Variants in EPHA4 observed in about 807,000 individuals in gnomAD.
EPHA4 encodes the protein EPH receptor A4, also known as ephrin type-A receptor 4.
EPHA4 carries 19 observed loss-of-function variants against 108.3 expected under a neutral mutation model. That is an observed-to-expected ratio of 0.18 (90% confidence interval 0.12 to 0.26). The LOEUF is 0.26. Among genes scored for constraint, EPHA4 ranks in the 10% least tolerant of loss-of-function variants. EPHA4 has a pLI of 1.00. For synonymous variants in EPHA4, 449 were observed against 455.5 expected, an observed-to-expected ratio of 0.99 and a Z score of 0.18; for missense variants, 917 against 1,254.0, an observed-to-expected ratio of 0.73 and a Z score of 4.06.
At chr2:221,533,292 A>T (rs73994280) in intron 3 of EPHA4, among the ~76,000 whole-genome samples, 3,461 of 152,216 alleles carry the variant, frequency 0.023, 110 homozygotes, top group African/African-American at 0.071. Context: ...GCCTACCATA[A>T]ATACAATCTG....
intron 1 of EPHA4, among the ~76,000 whole-genome samples, chr2:221,570,432 G>C (rs1409472877): frequency 6.6e-6 from 1 of 152,138 alleles, no homozygotes; most frequent in Non-Finnish European, 1.5e-5. Context: ...CCAGGAGAAC[G>C]CGGGATCCAC....
intron 2 of EPHA4, among the ~76,000 whole-genome samples, chr2:221,566,785 AAGG>A (rs1289504173): frequency 2.7e-5 from 4 of 149,270 alleles, no homozygotes; most frequent in Non-Finnish European, 4.4e-5. Context: ...GAAGAAGAAG[AAGG>A]AGAAGAAGAA....
rs1488180033 is a variant in EPHA4, at chr2:221,559,089, A to G, written c.823+4642T>C. Among the ~76,000 whole-genome samples, 8 of 152,154 alleles carry G rather than the reference A, an allele frequency of 5.3e-5. No individual in the cohort carries two copies. The South Asian group carries it at 8.3e-4, about 16-fold the overall frequency. ...CTCTTTTCAGAGCACAAGTCTGTTT[A>G]TTTTAAAACCATTGGAACATTTCTA... On this transcript the variant is annotated intron_variant, in intron 3 of 17. Coordinates refer to ENST00000281821, the MANE Select transcript of EPHA4 (RefSeq NM_004438.5).
At chr2:221,482,205 C>G (rs1691840668) in intron 5 of EPHA4, 147 bp downstream of exon 5, 1 of 855,960 alleles carries the variant, frequency 1.2e-6, no homozygotes, top group African/African-American at 1.7e-5. Context: ...GCCACCGTGC[C>G]CAGCCCCTAA....
chr2:221,529,576 A>G (rs1693445642), intron 3 of EPHA4, among the ~76,000 whole-genome samples: 1 of 152,240 alleles, frequency 6.6e-6, no homozygotes, highest in Admixed American at 6.5e-5. Flanking sequence ...TAATGCTTTG[A>G]GATCCTCCAG....
chr2:221,570,045 C>G (rs1381980932), intron 1 of EPHA4, among the ~76,000 whole-genome samples: 2 of 151,714 alleles, frequency 1.3e-5, no homozygotes, highest in Non-Finnish European at 2.9e-5. Context: ...CTCTCTGTCC[C>G]TAGAGAAAAG....
At chr2:221,505,546 G>A (rs1243236045) in intron 3 of EPHA4, among the ~76,000 whole-genome samples, 1 of 151,998 alleles carries the variant, frequency 6.6e-6, no homozygotes, top group Non-Finnish European at 1.5e-5. Context: ...GGCTGGTTTT[G>A]AACTCCTGAC....
At chr2:221,482,241 C>T (rs1235002940) in intron 5 of EPHA4, 111 bp downstream of exon 5, 1 of 1,144,382 alleles carries the variant, frequency 8.7e-7, no homozygotes, top group Non-Finnish European at 1.2e-6. Context: ...TAACGCAGCT[C>T]CCAGGCTTGA....
At chr2:221,446,653 A>G (rs977995127) in intron 8 of EPHA4, among the ~76,000 whole-genome samples, 14 of 152,188 alleles carry the variant, frequency 9.2e-5, no homozygotes, top group Non-Finnish European at 4.4e-5. Flanking sequence ...AATAGTAAAT[A>G]TTATTGCTAT....
chr2:221,480,917 A>G (rs1367747747), intron 5 of EPHA4, among the ~76,000 whole-genome samples: 1 of 152,206 alleles, frequency 6.6e-6, no homozygotes, highest in Non-Finnish European at 1.5e-5. Flanking sequence ...TTACTAAACT[A>G]TTGAGTGCAC....
chr2:221,421,314 A>T (rs867604946), intron 17 of EPHA4, among the ~76,000 whole-genome samples: 1 of 152,150 alleles, frequency 6.6e-6, no homozygotes, highest in South Asian at 2.1e-4. Context: ...AAAAAAGAAA[A>T]GAAAAAAAAG....
upstream of EPHA4, chr2:221,572,317 C>T (rs1451072448): frequency 6.3e-6 from 9 of 1,424,752 alleles, no homozygotes; most frequent in East Asian, 2.1e-4. Flanking sequence ...GTTAGGAGAG[C>T]AGCGGGCTGA....
At chr2:221,504,015 T>C (rs1692556152) in intron 3 of EPHA4, among the ~76,000 whole-genome samples, 1 of 152,194 alleles carries the variant, frequency 6.6e-6, no homozygotes, top group Non-Finnish European at 1.5e-5. Flanking sequence ...ACTTTCACTA[T>C]CTCTTTTATT....
At chr2:221,508,063 T>A (rs1002544845) in intron 3 of EPHA4, among the ~76,000 whole-genome samples, 1 of 152,140 alleles carries the variant, frequency 6.6e-6, no homozygotes, top group African/African-American at 2.4e-5. Context: ...CTGGACCCGA[T>A]GACAACATTG....
At chr2:221,482,816 GC>G (rs1225937599) in intron 4 of EPHA4, 126 bp from the exon 5 acceptor site, 2 of 760,818 alleles carry the variant, frequency 2.6e-6, no homozygotes, top group African/African-American at 3.5e-5. Context: ...AAAGCAAAAA[GC>G]AAATCAAGCC....
intron 10 of EPHA4, 100 bp from the exon 11 acceptor site, chr2:221,443,114 T>G (rs56081273): frequency 0.25 from 306,463 of 1,244,854 alleles, 38,380 homozygotes; most frequent in African/African-American, 0.32. Flanking sequence ...GCCAGGCTGT[T>G]TGCTAGTGCT....
At chr2:221,436,331 A>G in intron 13 of EPHA4, 68 bp downstream of exon 13, 2 of 1,487,096 alleles carry the variant, frequency 1.3e-6, no homozygotes, top group East Asian at 4.6e-5. Flanking sequence ...AAGGGCTTCA[A>G]TCTCAAAGTG....
chr2:221,496,777 C>T (rs563807005), intron 4 of EPHA4, among the ~76,000 whole-genome samples: 16 of 152,132 alleles, frequency 1.1e-4, no homozygotes, highest in African/African-American at 2.4e-4. Flanking sequence ...GATGTGGTGG[C>T]GTGTGCCTGT....
Position 221,566,183 on chromosome 2 carries a change from C to G in EPHA4, c.160-1789G>C, listed in dbSNP as rs1232615186. Reference sequence around the variant, plus strand: ...CTTATAGACAAACAATGGATTGTCTCTGATTCTAATTTATATTTTCCTTGG... The same window carrying G: ...CTTATAGACAAACAATGGATTGTCTGTGATTCTAATTTATATTTTCCTTGG... On this transcript the variant is annotated intron_variant, in intron 2 of 17. Transcript: ENST00000281821. Among the ~76,000 whole-genome samples the G allele has an allele frequency of 4.6e-5, 7 of 152,258 alleles. No individual in the cohort carries two copies. In the East Asian group the frequency reaches 7.7e-4, roughly 17 times the overall value.
Sources: allele counts gnomAD v4.1 joint callset (sites outside exome capture counted in the v4.1 genomes callset), GRCh38; gene constraint gnomAD v4.1.1; transcripts MANE v1.5; gene names NCBI Gene and HGNC (gene_info 2026-07-23, HGNC 2026-07-21).